The following POU6F2 variants were observed in gnomAD, a reference collection of about 807,000 sequenced individuals.
POU6F2 encodes POU domain, class 6, transcription factor 2.
In POU6F2, 31 loss-of-function variants were observed where a neutral mutation model predicts 71.3. The observed-to-expected ratio is 0.43, with a 90% CI of 0.33 to 0.59. The LOEUF is 0.59. Ranked by LOEUF, POU6F2 falls within the 20% of genes least tolerant of loss-of-function variation. The pLI, the probability that POU6F2 is intolerant of heterozygous loss-of-function variation, is 0.04. For synonymous variants in POU6F2, 347 were observed against 355.7 expected, an observed-to-expected ratio of 0.98 and a Z score of 0.27; for missense variants, 783 against 856.8, an observed-to-expected ratio of 0.91 and a Z score of 1.07.
chr7:39,358,327 G>A (rs1674937919), intron 5 of POU6F2, among the ~76,000 whole-genome samples: 1 of 152,136 alleles, frequency 6.6e-6, no homozygotes, highest in South Asian at 2.1e-4. Flanking sequence ...GGGTACAGAT[G>A]AAAGAATATT....
At chr7:39,393,064 CCAAA>C (rs1182600479) in intron 5 of POU6F2, among the ~76,000 whole-genome samples, 24 of 152,178 alleles carry the variant, frequency 1.6e-4, no homozygotes, top group African/African-American at 5.5e-4. Flanking sequence ...TGGAAACTTC[CCAAA>C]CAATCTATAC....
chr7:39,436,451 T>C (rs978499106), intron 7 of POU6F2, among the ~76,000 whole-genome samples: 3 of 143,032 alleles, frequency 2.1e-5, no homozygotes, highest in African/African-American at 8.2e-5. Flanking sequence ...AAAGAATGCT[T>C]GTAATTTTGC....
chr7:39,394,875 C>G (rs955758728), intron 5 of POU6F2, among the ~76,000 whole-genome samples: 1 of 152,112 alleles, frequency 6.6e-6, no homozygotes, highest in African/African-American at 2.4e-5. Context: ...TCTTGTCTGT[C>G]TACTTATCTG....
chr7:39,093,171 A>G lies in POU6F2; in HGVS notation c.277+7140A>G, dbSNP rs146712351. On this transcript the variant is annotated intron_variant, in intron 2 of 9. Transcript: ENST00000518318. ...TAAAAAATTAGCTACCTGGAACAAT[A>G]TAACTAATAGTCAAAGCAAGTCACT... is the stretch of plus-strand genomic sequence containing the variant. Among the ~76,000 whole-genome samples the G allele has an allele frequency of 1.9e-3, 296 of 152,236 alleles. 1 individual carries two copies. Among genetic ancestry groups the G allele is most frequent in the African/African-American group, 6.9e-3 (288 of 41,576 alleles).
At chr7:39,417,878 A>G (rs1787716497) in intron 6 of POU6F2, among the ~76,000 whole-genome samples, 1 of 152,242 alleles carries the variant, frequency 6.6e-6, no homozygotes, top group African/African-American at 2.4e-5. Context: ...TATCTCTTCC[A>G]TGAAATGACA....
At chr7:39,232,110 A>G (rs954326509) in intron 4 of POU6F2, among the ~76,000 whole-genome samples, 2 of 152,194 alleles carry the variant, frequency 1.3e-5, no homozygotes, top group Non-Finnish European at 2.9e-5. Context: ...GAATTTTCTC[A>G]TTATAGAGAT....
intron 2 of POU6F2, among the ~76,000 whole-genome samples, chr7:39,162,856 G>A (rs1401058149): frequency 6.6e-6 from 1 of 152,070 alleles, no homozygotes; most frequent in Non-Finnish European, 1.5e-5. Flanking sequence ...TAATTACTTG[G>A]GTAAATGCTG....
chr7:39,296,334 T>G (rs1784843122), intron 4 of POU6F2, among the ~76,000 whole-genome samples: 1 of 152,204 alleles, frequency 6.6e-6, no homozygotes, highest in Non-Finnish European at 1.5e-5. Flanking sequence ...CCTTCCCTAC[T>G]AAGTATCATT....
intron 8 of POU6F2, among the ~76,000 whole-genome samples, chr7:39,453,871 G>A (rs1788720671): frequency 1.3e-5 from 2 of 152,196 alleles, no homozygotes; most frequent in South Asian, 4.1e-4. Flanking sequence ...CCCATATGCA[G>A]AGACTGAATG....
At chr7:39,236,278 G>C (rs1324296321) in intron 4 of POU6F2, among the ~76,000 whole-genome samples, 1 of 152,148 alleles carries the variant, frequency 6.6e-6, no homozygotes, top group Non-Finnish European at 1.5e-5. Flanking sequence ...ACACAGTGAT[G>C]AGTACTCTGA....
intron 3 of POU6F2, among the ~76,000 whole-genome samples, 187 bp downstream of exon 3, chr7:39,204,513 C>G (rs1287868754): frequency 6.6e-6 from 1 of 151,496 alleles, no homozygotes; most frequent in Non-Finnish European, 1.5e-5. Flanking sequence ...TATGTGTTTG[C>G]AAAACTCTTC....
At chr7:39,213,585 G>GT (rs989546589) in intron 4 of POU6F2, among the ~76,000 whole-genome samples, 2 of 152,026 alleles carry the variant, frequency 1.3e-5, no homozygotes, top group African/African-American at 2.4e-5. Context: ...CAGGTAATCT[G>GT]TTTTTTTCCT....
chr7:39,288,940 T>G (rs1456076561), intron 4 of POU6F2, among the ~76,000 whole-genome samples: 1 of 152,192 alleles, frequency 6.6e-6, no homozygotes, highest in Non-Finnish European at 1.5e-5. Flanking sequence ...ATCCTTAGAA[T>G]AAAAGATTAA....
chr7:39,247,366 G>A (rs570860952), intron 4 of POU6F2, among the ~76,000 whole-genome samples: 124 of 152,014 alleles, frequency 8.2e-4, no homozygotes, highest in Middle Eastern at 3.4e-3. Flanking sequence ...CATGAGAATC[G>A]CCTAAGCCCA....
chr7:39,181,420 A>T (rs765924221), intron 2 of POU6F2, among the ~76,000 whole-genome samples: 5 of 152,110 alleles, frequency 3.3e-5, no homozygotes, highest in East Asian at 1.9e-4. Context: ...CAGAGACCAT[A>T]TGTGGAGCCT....
intron 1 of POU6F2, among the ~76,000 whole-genome samples, chr7:38,978,478 TTCTC>T (rs1788234759): frequency 1.3e-5 from 2 of 152,284 alleles, no homozygotes; most frequent in Non-Finnish European, 1.5e-5. Flanking sequence ...TGCTCTCTCC[TTCTC>T]TCTTTCTCTC....
intron 5 of POU6F2, among the ~76,000 whole-genome samples, chr7:39,396,420 C>G (rs1378480634): frequency 9.9e-5 from 15 of 152,180 alleles, no homozygotes. Context: ...CCCAAGCTCC[C>G]TAGGTGCAGA....
chr7:39,300,008 C>T (rs761697189), intron 4 of POU6F2, among the ~76,000 whole-genome samples: 2 of 152,092 alleles, frequency 1.3e-5, no homozygotes, highest in Non-Finnish European at 2.9e-5. Flanking sequence ...CCAGTTAGGC[C>T]GCCTTACTTC....
In POU6F2 at chr7:39,062,818, G is replaced by A. The variant is rs147184230; in HGVS notation, c.106-23042G>A. On this transcript the variant is annotated intron_variant, in intron 1 of 9. Transcript: ENST00000518318. Reference sequence around the variant, plus strand: ...TGTAATCCCAGCACTTTGGGAGGCCGAGGAAGGAGGATCGCTTGAGCCCAG... The same window carrying A: ...TGTAATCCCAGCACTTTGGGAGGCCAAGGAAGGAGGATCGCTTGAGCCCAG... Among the ~76,000 whole-genome samples, 632 of 150,732 alleles carry A rather than the reference G, an allele frequency of 4.2e-3. 2 individuals carry two copies. The highest frequency in any genetic ancestry group is 0.015 in the African/African-American group (601 of 40,970).
Sources: allele counts gnomAD v4.1 joint callset (sites outside exome capture counted in the v4.1 genomes callset), GRCh38; gene constraint gnomAD v4.1.1; transcripts MANE v1.5; gene names NCBI Gene and HGNC (gene_info 2026-07-23, HGNC 2026-07-21).